WFS1: variants seen among roughly 807,000 people sequenced by gnomAD.
The protein encoded by WFS1 is wolframin.
Under a neutral mutation model 68.5 loss-of-function variants are expected in WFS1, and 90 were observed. That is an observed-to-expected ratio of 1.31 (90% confidence interval 1.11 to 1.56). The LOEUF is 1.56. WFS1 is among the 40% of genes most tolerant of loss of function. The pLI, the probability that WFS1 is intolerant of heterozygous loss-of-function variation, is 0.00. For missense variants in WFS1, 1,767 were observed against 1,232.6 expected (o/e 1.43, Z -6.49); for synonymous variants, 860 against 540.7 (o/e 1.59, Z -8.19).
chr4:6,295,613 C>G (rs1034479967), intron 7 of WFS1, among the ~76,000 whole-genome samples: 1 of 152,216 alleles, frequency 6.6e-6, no homozygotes, highest in African/African-American at 2.4e-5. Context: ...GTCCGTCAGG[C>G]CAGGGAGGAC....
intron 1 of WFS1, among the ~76,000 whole-genome samples, chr4:6,271,876 C>G (rs1036262182): frequency 1.3e-5 from 2 of 152,208 alleles, no homozygotes. Context: ...CTCAGGGACC[C>G]GCCTCGCTGC....
rs1560413176 is a variant in WFS1 at position 6,295,176 on chromosome 4, C to T, written c.848C>T (p.Pro283Leu). ...ELAGKSPEDL[P>L]LRLKVVKYPL... ...GCGGGGAAGAGCCCTGAGGACCTGC[C>T]ACTGCGTCTGAAGGTGAGTGACCAA... The change falls in exon 7 of 8, where the codon CCA (proline) becomes CTA (leucine). Residue 283 changes from proline to leucine, a missense_variant. Transcript: ENST00000226760. The T allele has an allele frequency of 1.2e-6, 2 of 1,611,892 alleles. No individual in the cohort carries two copies. The highest frequency in any genetic ancestry group is 1.3e-5 in the African/African-American group (1 of 75,004).
At position 6,294,126 on chromosome 4, in the gene WFS1, C is replaced by T. The variant is rs73071607; in HGVS notation, c.713-915C>T. Among the ~76,000 whole-genome samples the T allele has an allele frequency of 0.16, 24,200 of 152,184 alleles. 2,341 individuals are homozygous for T. The highest frequency in any genetic ancestry group is 0.25 in the African/African-American group (10,417 of 41,496). On this transcript the variant is annotated intron_variant, in intron 6 of 7. Coordinates refer to ENST00000226760, the MANE Select transcript of WFS1 (RefSeq NM_006005.3). ...GGCTGCCATCTTGGATGCAGCCTGC[C>T]TCCTCCCTAGGGTTTCTGCAGCACC...
chr4:6,299,954 G>A (rs1234563559), intron 7 of WFS1, among the ~76,000 whole-genome samples: 1 of 151,152 alleles, frequency 6.6e-6, no homozygotes, highest in Non-Finnish European at 1.5e-5. Context: ...GTAGGGGTGG[G>A]TTGCGTGTGT....
At chr4:6,291,808 G>A (rs1730471426) in intron 5 of WFS1, 109 bp from the exon 6 acceptor site, 1 of 1,179,926 alleles carries the variant, frequency 8.5e-7, no homozygotes, top group South Asian at 1.3e-5. Flanking sequence ...AACGTAGGAT[G>A]CCCCTGGAAC....
intron 6 of WFS1, among the ~76,000 whole-genome samples, chr4:6,293,160 G>A (rs1375957150): frequency 1.3e-5 from 2 of 152,152 alleles, no homozygotes; most frequent in African/African-American, 4.8e-5. Context: ...GCCCAGCCTG[G>A]GTCTCCATCC....
rs1379323872 is a variant in WFS1 at position 6,287,235 on chromosome 4, C to T, written c.315+60C>T. 3.5e-5 allele frequency: 49 copies of T among 1,398,428 alleles called. No homozygotes were observed. The highest frequency in any genetic ancestry group is 3.9e-5 in the Non-Finnish European group (39 of 1,010,316). The allele number at this position is 1,398,428 out of a possible 1,614,324, so 86.6% of individuals were successfully genotyped here. On this transcript the variant is annotated intron_variant, in intron 3 of 7. Transcript: ENST00000226760. This position sits in a 1 kb window ranked among gnomAD's most constrained non-coding sequence, Gnocchi z 6.4. ...GCGGCCCCCGGCACAACAGGCCTGG[C>T]CACGAGCTCCACAGCCCACAGAGAA...
chr4:6,300,962 T>G lies in WFS1; in HGVS notation c.1167T>G (p.Asp389Glu), dbSNP rs201282601. ...TGCTGCGCTTCGAGCCCAACCTGGA[T>G]GTGGAGCAGGCCGAGGTCAACTTCG... ...DLLLRFEPNLDVEQAEVNFGW... is the reference protein window; with the variant it reads ...DLLLRFEPNLEVEQAEVNFGW... Residue 389 changes from aspartate to glutamate, a missense_variant, in exon 8 of 8, where the codon GAT becomes GAG. Physicochemically the swap from Asp to Glu is conservative, Grantham distance 45 (BLOSUM62 2). Coordinates refer to ENST00000226760, the MANE Select transcript of WFS1 (RefSeq NM_006005.3). 8.1e-5 allele frequency: 130 copies of G among 1,613,984 alleles called. No homozygotes were observed. Among genetic ancestry groups the G allele is most frequent in the Admixed American group, 3.8e-4 (23 of 59,884 alleles).
rs1553878726 is a variant in WFS1, at chr4:6,301,613, G to A, written c.1818G>A (p.Val606=). 1 of 1,614,158 alleles carries A rather than the reference G, an allele frequency of 6.2e-7. No individual in the cohort carries two copies. Among genetic ancestry groups the A allele is most frequent in the Non-Finnish European group, 8.5e-7 (1 of 1,180,028 alleles). The part of the protein sequence containing the change: ...KIAVTVAVCS[V]PLLLRWWTKA... ...CAGTCACCGTGGCGGTCTGTAGTGT[G>A]CCCCTGCTGTTGCGCTGGTGGACCA... The change falls in exon 8 of 8, where the codon GTG becomes GTA. Residue 606 remains valine (V), a synonymous_variant. Coordinates refer to ENST00000226760, the MANE Select transcript of WFS1 (RefSeq NM_006005.3).
rs552411810 is a variant in WFS1, at chr4:6,287,910, G to A, written c.315+735G>A. Among the ~76,000 whole-genome samples the A allele has an allele frequency of 3.2e-4, 48 of 152,272 alleles. No individual in the cohort carries two copies. Among genetic ancestry groups the A allele is most frequent in the East Asian group, 1.4e-3 (7 of 5,166 alleles). On this transcript the variant is annotated intron_variant, in intron 3 of 7. Transcript: ENST00000226760. The surrounding 1 kb of genome is among the most constrained non-coding windows in gnomAD (Gnocchi z 6.4). Reference sequence around the variant, plus strand: ...CCCTAAAGAGGAGAAAAGCTTCCACGCGAAACCATAAATTAAGAATTTCTG... The same window carrying A: ...CCCTAAAGAGGAGAAAAGCTTCCACACGAAACCATAAATTAAGAATTTCTG...
rs551239114 is a variant in WFS1 at position 6,270,749 on chromosome 4, A to T, written c.-6+735A>T. Among the ~76,000 whole-genome samples, 31 of 152,310 alleles carry T rather than the reference A, an allele frequency of 2.0e-4. No individual in the cohort carries two copies. The East Asian group carries it at 6.0e-3, about 29-fold the overall frequency. On this transcript the variant is annotated intron_variant, in intron 1 of 7. Transcript: ENST00000226760. ...GTGATGGCGCCCTGGCCTCTCACCCACTTAGCAGATGATGTTATGAATTCC... is the reference window on the plus strand; with the variant it reads ...GTGATGGCGCCCTGGCCTCTCACCCTCTTAGCAGATGATGTTATGAATTCC...
chr4:6,273,677 A>C (rs185560061), intron 1 of WFS1, among the ~76,000 whole-genome samples: 58 of 152,376 alleles, frequency 3.8e-4, no homozygotes, highest in African/African-American at 1.4e-3. Context: ...TGTAACATGC[A>C]GGAAGACTCA....
At position 6,301,280 on chromosome 4, in the gene WFS1, C is replaced by G. The variant is rs534981149; in HGVS notation, c.1485C>G (p.His495Gln). The change falls in exon 8 of 8, where the codon CAC (histidine) becomes CAG (glutamine). Residue 495 changes from histidine to glutamine, a missense_variant. Physicochemically the swap from His to Gln is conservative, Grantham distance 24. Coordinates refer to ENST00000226760, the MANE Select transcript of WFS1 (RefSeq NM_006005.3). The stretch of plus-strand genomic sequence containing the variant: ...CCTTCATCACCGTGCCTGTCGGCCA[C>G]CTGGTCGTCCTCAACGTCAGCGTCC... ...GQTFITVPVG[H>Q]LVVLNVSVPC... 35 of 1,611,332 alleles carry G rather than the reference C, an allele frequency of 2.2e-5. No homozygotes were observed. The highest frequency in any genetic ancestry group is 3.0e-5 in the Non-Finnish European group (35 of 1,180,036).
chr4:6,301,950 G>A lies in WFS1; in HGVS notation c.2155G>A (p.Ala719Thr), dbSNP rs1560421046. 2 of 1,612,704 alleles carry A rather than the reference G, an allele frequency of 1.2e-6. No individual in the cohort carries two copies. Among genetic ancestry groups the A allele is most frequent in the East Asian group, 2.2e-5 (1 of 44,880 alleles). Residue 719 changes from alanine (A) to threonine (T), a missense_variant, in exon 8 of 8, where the codon GCC (alanine) becomes ACC (threonine). By Grantham distance (58) the Ala-to-Thr change is moderately conservative (BLOSUM62 0). Coordinates refer to ENST00000226760, the MANE Select transcript of WFS1 (RefSeq NM_006005.3). ...TGACATCGACAACAGCGCCGAGTCTGCCATCAACATGCTCCCGTTCTTCAT... is the reference window on the plus strand; with the variant it reads ...TGACATCGACAACAGCGCCGAGTCTACCATCAACATGCTCCCGTTCTTCAT... ...VTDIDNSAES[A>T]INMLPFFIGD...
At chr4:6,295,315 G>C in intron 7 of WFS1, 126 bp downstream of exon 7, 1 of 1,139,840 alleles carries the variant, frequency 8.8e-7, no homozygotes, top group Non-Finnish European at 1.3e-6. Flanking sequence ...TCTTACAGCC[G>C]TGCCGCTGGT....
intron 2 of WFS1, among the ~76,000 whole-genome samples, chr4:6,282,007 C>T (rs1730181939): frequency 6.6e-6 from 1 of 152,184 alleles, no homozygotes; most frequent in Admixed American, 6.5e-5. Flanking sequence ...AGCCCCAACT[C>T]TCATGGGTGG....
At position 6,302,026 on chromosome 4, in the gene WFS1, C is replaced by G. The variant is rs1490725472; in HGVS notation, c.2231C>G (p.Pro744Arg). 2 of 1,612,676 alleles carry G rather than the reference C, an allele frequency of 1.2e-6. No individual in the cohort carries two copies. The highest frequency in any genetic ancestry group is 1.3e-5 in the African/African-American group (1 of 74,940). ...GGCGAGGCCTACCCTGCCTGCAGCC[C>G]TGGCAACACCTCCACGGCCGAGGAG... ...LYGEAYPACS[P>R]GNTSTAEEEL... Residue 744 changes from proline to arginine, a missense_variant, in exon 8 of 8, where the codon CCT (proline) becomes CGT (arginine). Pro to Arg is a moderately radical substitution (Grantham distance 103, BLOSUM62 -2). Transcript: ENST00000226760.
At chr4:6,298,208 C>G (rs1034958840) in intron 7 of WFS1, among the ~76,000 whole-genome samples, 4 of 152,218 alleles carry the variant, frequency 2.6e-5, no homozygotes, top group East Asian at 1.9e-4. Flanking sequence ...AACTGAGCAG[C>G]CTGCCGGCTG....
intron 2 of WFS1, among the ~76,000 whole-genome samples, chr4:6,284,603 C>T (rs1003648669): frequency 1.3e-5 from 2 of 151,688 alleles, no homozygotes; most frequent in African/African-American, 2.4e-5. Flanking sequence ...GAGGTGCTGG[C>T]GTTGTGGTGG....
Sources: allele counts gnomAD v4.1 joint callset (sites outside exome capture counted in the v4.1 genomes callset), GRCh38; gene constraint gnomAD v4.1.1; non-coding constraint Gnocchi (gnomAD v3.1); transcripts MANE v1.5; gene names NCBI Gene and HGNC (gene_info 2026-07-23, HGNC 2026-07-21).